Variants in PFKFB2 observed in about 807,000 individuals in gnomAD.
PFKFB2 encodes the protein 6-phosphofructo-2-kinase/fructose-2,6-bisphosphatase 2.
A neutral mutation model predicts 68.0 loss-of-function variants in PFKFB2; 53 were observed. The ratio of observed to expected loss-of-function variants is 0.78; its 90% CI spans 0.63 to 0.98. PFKFB2 has a LOEUF of 0.98. Among genes scored for constraint, PFKFB2 ranks in the 50% least tolerant of loss-of-function variants. The pLI, the probability that PFKFB2 is intolerant of heterozygous loss-of-function variation, is 0.00. For missense variants in PFKFB2, 451 were observed against 642.0 expected (o/e 0.70, Z 3.22); for synonymous variants, 222 against 227.6 (o/e 0.98, Z 0.22).
chr1:207,077,373 C>T lies in PFKFB2; in HGVS notation c.*5002C>T. On this transcript the variant is annotated 3_prime_UTR_variant, in exon 15 of 15. Coordinates refer to ENST00000367080, the MANE Select transcript of PFKFB2 (RefSeq NM_006212.2). Reference sequence around the variant, plus strand: ...GGCAAAAGTATTTTTTCCAGTAAGCCTTTCACTGGATATCTGTGACCAATG... The same window carrying T: ...GGCAAAAGTATTTTTTCCAGTAAGCTTTTCACTGGATATCTGTGACCAATG... The T allele has an allele frequency of 3.0e-6, 3 of 984,114 alleles. No individual in the cohort carries two copies. The highest frequency in any genetic ancestry group is 3.6e-6 in the Non-Finnish European group (3 of 828,766). 61.0% of individuals were successfully genotyped at this position (984,114 alleles called of 1,614,324 possible).
At chr1:207,062,827 A>G (rs1413998680) in intron 4 of PFKFB2, 111 bp downstream of exon 4, 4 of 1,094,246 alleles carry the variant, frequency 3.7e-6, no homozygotes, top group Non-Finnish European at 4.0e-6. Flanking sequence ...GGGAAGTTAA[A>G]TGGAAGTTAT....
upstream of PFKFB2, chr1:207,051,223 G>A: frequency 8.9e-7 from 1 of 1,123,696 alleles, no homozygotes; most frequent in Non-Finnish European, 1.2e-6. Context: ...TGCCCTCCGC[G>A]TGGGTAGCAT....
At chr1:207,045,314 A>G (rs78516387) in intron 2 of PFKFB2, 2,383 of 152,624 alleles carry the variant, frequency 0.016, 98 homozygotes, top group Admixed American at 0.096. Context: ...ATGCTAGGGC[A>G]CAGACCATGC....
chr1:207,077,671 T>C lies in PFKFB2; in HGVS notation c.*5300T>C. On this transcript the variant is annotated 3_prime_UTR_variant, in exon 15 of 15. Coordinates refer to ENST00000367080, the MANE Select transcript of PFKFB2 (RefSeq NM_006212.2). Reference sequence around the variant, plus strand: ...CTGTTGAAATAGGAACATAAGTCTTTAGCAACATTCTGATTTAATCGGGTG... The same window carrying C: ...CTGTTGAAATAGGAACATAAGTCTTCAGCAACATTCTGATTTAATCGGGTG... 1.0e-6 allele frequency: 1 copy of C among 985,812 alleles called. No homozygotes were observed. Among genetic ancestry groups the C allele is most frequent in the Non-Finnish European group, 1.2e-6 (1 of 829,892 alleles). 61.1% of individuals were successfully genotyped at this position (985,812 alleles called of 1,614,324 possible).
At chr1:207,066,927 C>T (rs1178764062) in intron 8 of PFKFB2, among the ~76,000 whole-genome samples, 2 of 152,210 alleles carry the variant, frequency 1.3e-5, no homozygotes, top group East Asian at 3.8e-4. Context: ...GCTAGGATTA[C>T]AGGCATGAGC....
chr1:207,038,848 C>A (rs1243381429), intron 1 of PFKFB2, among the ~76,000 whole-genome samples: 1 of 152,026 alleles, frequency 6.6e-6, no homozygotes, highest in African/African-American at 2.4e-5. Context: ...TTTTTTCTTT[C>A]CCTCCAAATT....
Position 207,077,176 on chromosome 1 carries a change from T to C in PFKFB2, c.*4805T>C, listed in dbSNP as rs868259737. 4,222 of 985,342 alleles carry C rather than the reference T, an allele frequency of 4.3e-3. 135 individuals are homozygous for C. In the African/African-American group the frequency reaches 0.069, roughly 16 times the overall value. The allele number at this position is 985,342 out of a possible 1,614,324, so 61.0% of individuals were successfully genotyped here. A position where few individuals can be genotyped will look rare whatever the true frequency, so the allele number is the denominator to read the frequency against. On this transcript the variant is annotated 3_prime_UTR_variant, in exon 15 of 15. Transcript: ENST00000367080. ...CCCTGCTTTAGGGCAGGACTTCAGT[T>C]CCACTGTTCATTTCTGAAGCTTCTG...
rs34590725 is a variant in PFKFB2, at chr1:207,055,641, TTATA to T, written c.85+858_85+861del. Among the ~76,000 whole-genome samples, 545 of 147,416 alleles carry T rather than the reference TTATA, an allele frequency of 3.7e-3. 2 individuals carry two copies. The highest frequency in any genetic ancestry group is 0.011 in the African/African-American group (430 of 40,146). ...CAGTCAGTTCTTCTCACTTCAGTGG[TTATA>T]TATATATATATATATATAGCCAGTT... is the stretch of plus-strand genomic sequence containing the variant. On this transcript the variant is annotated intron_variant, in intron 2 of 14. Transcript: ENST00000367080.
intron 1 of PFKFB2, among the ~76,000 whole-genome samples, chr1:207,041,867 A>G (rs935234323): frequency 6.6e-6 from 1 of 152,148 alleles, no homozygotes; most frequent in Non-Finnish European, 1.5e-5. Flanking sequence ...ACACGTGCCT[A>G]TTTCTCCACA....
chr1:207,078,369 C>T (rs1683684535), downstream of PFKFB2, among the ~76,000 whole-genome samples: 1 of 152,290 alleles, frequency 6.6e-6, no homozygotes, highest in East Asian at 1.9e-4. Context: ...CCATCCCAGA[C>T]CTCCGGAGTC....
upstream of PFKFB2, chr1:207,052,974 A>G (rs367760934): frequency 2.0e-4 from 30 of 152,356 alleles, 1 homozygote; most frequent in African/African-American, 6.5e-4. Flanking sequence ...CGCCTACCGA[A>G]TAGTCTACTC....
upstream of PFKFB2, chr1:207,052,273 G>C: frequency 6.3e-7 from 1 of 1,586,160 alleles, no homozygotes; most frequent in Non-Finnish European, 8.6e-7. Flanking sequence ...TTTTTTGCTG[G>C]TGCAATTTTC....
intron 1 of PFKFB2, among the ~76,000 whole-genome samples, chr1:207,036,890 C>T (rs1179459622): frequency 6.6e-6 from 1 of 152,216 alleles, no homozygotes; most frequent in African/African-American, 2.4e-5. Context: ...TGCTTGTTAA[C>T]TAATTTGTTA....
At chr1:207,065,921 G>A (rs1410154853) in intron 8 of PFKFB2, among the ~76,000 whole-genome samples, 1 of 152,162 alleles carries the variant, frequency 6.6e-6, no homozygotes, top group African/African-American at 2.4e-5. Flanking sequence ...ATATCTGAAT[G>A]GGGGTGTTGT....
rs1369723429 is a variant in PFKFB2, at chr1:207,074,348, G to T, written c.*1977G>T. On this transcript the variant is annotated 3_prime_UTR_variant, in exon 15 of 15. Transcript: ENST00000367080. The stretch of plus-strand genomic sequence containing the variant: ...GAAGGCAGGCTGCTGTGTTTTAGAG[G>T]GTTATTCTAGGTTCTAGTCCCATCT... 5 of 985,216 alleles carry T rather than the reference G, an allele frequency of 5.1e-6. No homozygotes were observed. Among genetic ancestry groups the T allele is most frequent in the Non-Finnish European group, 6.0e-6 (5 of 829,898 alleles). The allele number at this position is 985,216 out of a possible 1,614,324, so 61.0% of individuals were successfully genotyped here. A position where few individuals can be genotyped will look rare whatever the true frequency, so the allele number is the denominator to read the frequency against.
chr1:207,058,695 A>G (rs1683000612), intron 2 of PFKFB2, among the ~76,000 whole-genome samples: 1 of 152,174 alleles, frequency 6.6e-6, no homozygotes, highest in South Asian at 2.1e-4. Context: ...GTGTTTCACC[A>G]TGTTGCCAAG....
chr1:207,048,947 C>A, upstream of PFKFB2: 1 of 1,369,040 alleles, frequency 7.3e-7, no homozygotes, highest in Admixed American at 2.1e-5. Flanking sequence ...TTAGGGTTAC[C>A]ATAGCTTATT....
At chr1:207,039,233 T>C (rs1362290044) in intron 1 of PFKFB2, among the ~76,000 whole-genome samples, 4 of 152,180 alleles carry the variant, frequency 2.6e-5, no homozygotes, top group African/African-American at 9.7e-5. Context: ...ATATTAACAC[T>C]CTAGGAGAGG....
At chr1:207,061,177 AT>A (rs1683101527) in intron 2 of PFKFB2, among the ~76,000 whole-genome samples, 1 of 66,496 alleles carries the variant, frequency 1.5e-5, no homozygotes, top group Non-Finnish European at 2.8e-5. Context: ...ATATATATAT[AT>A]ATATATATAT....
Sources: allele counts gnomAD v4.1 joint callset (sites outside exome capture counted in the v4.1 genomes callset), GRCh38; gene constraint gnomAD v4.1.1; transcripts MANE v1.5; gene names NCBI Gene and HGNC (gene_info 2026-07-23, HGNC 2026-07-21).